Variants in IL7 observed in about 807,000 individuals in gnomAD.
The protein encoded by IL7 is interleukin 7.
IL7 carries 3 observed loss-of-function variants against 21.6 expected under a neutral mutation model. The observed-to-expected ratio is 0.14, with a 90% confidence interval of 0.06 to 0.36. The LOEUF is 0.36. IL7 is among the 10% of genes least tolerant of loss of function. The pLI is 1.00. For synonymous variants in IL7, 62 were observed against 68.1 expected, an observed-to-expected ratio of 0.91 and a Z score of 0.44; for missense variants, 175 against 200.2, an observed-to-expected ratio of 0.87 and a Z score of 0.76.
intron 2 of IL7, among the ~76,000 whole-genome samples, chr8:78,756,899 C>T (rs1417090970): frequency 2.0e-5 from 3 of 150,894 alleles, no homozygotes; most frequent in Non-Finnish European, 4.4e-5. Context: ...TTTTTTTCTG[C>T]TCTTTATTTT....
intron 5 of IL7, among the ~76,000 whole-genome samples, chr8:78,735,393 A>T (rs1461081193): frequency 6.8e-6 from 1 of 146,380 alleles, no homozygotes; most frequent in African/African-American, 2.5e-5. Flanking sequence ...GCTCACTGCA[A>T]CCTCCACCTC....
chr8:78,685,034 G>A (rs1809920185), intron 4 of IL7, among the ~76,000 whole-genome samples: 1 of 151,966 alleles, frequency 6.6e-6, no homozygotes, highest in Non-Finnish European at 1.5e-5. Context: ...GATTAAAAAA[G>A]CTTAATAAAA....
intron 3 of IL7, among the ~76,000 whole-genome samples, chr8:78,703,444 G>A (rs1372293554): frequency 6.6e-6 from 1 of 152,006 alleles, no homozygotes; most frequent in Non-Finnish European, 1.5e-5. Context: ...CTTGGTTTAT[G>A]AATCTGAGTG....
In IL7 at chr8:78,733,340, G is replaced by T. The variant is rs1013129199; in HGVS notation, c.*373C>A. ...AAAATTATTTTGACAGTAAAGCAAT[G>T]TCAATTTTGAATCTTTGAAACCATT... is the stretch of plus-strand genomic sequence containing the variant. On this transcript the variant is annotated 3_prime_UTR_variant, in exon 6 of 6. Transcript: ENST00000263851. 5.8e-6 allele frequency: 1 copy of T among 171,030 alleles called. No homozygotes were observed. Among genetic ancestry groups the T allele is most frequent in the African/African-American group, 2.4e-5 (1 of 41,550 alleles). The allele number at this position is 171,030 out of a possible 1,614,324, so 10.6% of individuals were successfully genotyped here. A position where few individuals can be genotyped will look rare whatever the true frequency, so the allele number is the denominator to read the frequency against.
intron 2 of IL7, among the ~76,000 whole-genome samples, chr8:78,793,242 T>A (rs892401189): frequency 1.3e-5 from 2 of 152,112 alleles, no homozygotes; most frequent in African/African-American, 4.8e-5. Flanking sequence ...AGGCTAGTGA[T>A]GGGGAATAAA....
At chr8:78,757,320 G>A (rs951778957) in intron 2 of IL7, among the ~76,000 whole-genome samples, 8 of 151,946 alleles carry the variant, frequency 5.3e-5, no homozygotes, top group Admixed American at 2.0e-4. Flanking sequence ...GGTTTATCCT[G>A]AAGAACGTTC....
At chr8:78,764,966 T>C (rs1812708714) in intron 2 of IL7, among the ~76,000 whole-genome samples, 2 of 152,068 alleles carry the variant, frequency 1.3e-5, no homozygotes, top group African/African-American at 4.8e-5. Flanking sequence ...CACTATAGCA[T>C]TAGTGAAAAA....
intron 2 of IL7, among the ~76,000 whole-genome samples, chr8:78,745,109 G>A (rs1458299927): frequency 6.6e-6 from 1 of 152,132 alleles, no homozygotes; most frequent in Non-Finnish European, 1.5e-5. Context: ...GGCCATCTTG[G>A]CCACTTCCCC....
At chr8:78,779,279 C>A (rs1379384886) in intron 2 of IL7, among the ~76,000 whole-genome samples, 2 of 152,060 alleles carry the variant, frequency 1.3e-5, no homozygotes, top group East Asian at 3.9e-4. Context: ...CTATGTTGAA[C>A]AGGAGTGGTG....
chr8:78,773,030 T>C (rs983467329), intron 2 of IL7, among the ~76,000 whole-genome samples: 4 of 152,160 alleles, frequency 2.6e-5, no homozygotes, highest in African/African-American at 9.7e-5. Flanking sequence ...TTGACAATAA[T>C]TTACATTGAT....
chr8:78,683,385 A>G (rs890981308), intron 4 of IL7, among the ~76,000 whole-genome samples: 1 of 152,100 alleles, frequency 6.6e-6, no homozygotes, highest in Non-Finnish European at 1.5e-5. Context: ...CCAAACCTCA[A>G]CTCTTGATTT....
chr8:78,696,414 C>T (rs529026879), intron 3 of IL7, among the ~76,000 whole-genome samples: 4 of 152,198 alleles, frequency 2.6e-5, no homozygotes, highest in African/African-American at 9.6e-5. Flanking sequence ...TGATTTTCAC[C>T]TTATGGTTGA....
In IL7 at chr8:78,739,906, T is replaced by C. The variant is rs939007959; in HGVS notation, c.228+96A>G. 11 of 1,086,474 alleles carry C rather than the reference T, an allele frequency of 1.0e-5. No individual in the cohort carries two copies. The Admixed American group carries it at 4.5e-4, about 44-fold the overall frequency. 67.3% of individuals were successfully genotyped at this position (1,086,474 alleles called of 1,614,324 possible). A position where few individuals can be genotyped will look rare whatever the true frequency, so the allele number is the denominator to read the frequency against. The stretch of plus-strand genomic sequence containing the variant: ...GAATTATGTGATCAGGCTGCAAATA[T>C]TAATAGTATTCATATAATTGTCTAA... On this transcript the variant is annotated intron_variant, in intron 3 of 5. Transcript: ENST00000263851.
At chr8:78,788,111 A>G (rs751380436) in intron 2 of IL7, among the ~76,000 whole-genome samples, 3 of 152,062 alleles carry the variant, frequency 2.0e-5, no homozygotes, top group Non-Finnish European at 4.4e-5. Flanking sequence ...CTCTCTTTTC[A>G]CTTCTGATAG....
At chr8:78,757,166 T>G (rs1812375843) in intron 2 of IL7, among the ~76,000 whole-genome samples, 1 of 152,044 alleles carries the variant, frequency 6.6e-6, no homozygotes, top group African/African-American at 2.4e-5. Context: ...TGAAGCCTAT[T>G]GCTTTATTTC....
At chr8:78,765,522 A>G (rs1439802956) in intron 2 of IL7, among the ~76,000 whole-genome samples, 1 of 152,120 alleles carries the variant, frequency 6.6e-6, no homozygotes, top group Admixed American at 6.5e-5. Context: ...TTGGCAAAAA[A>G]CCTGAATAAG....
At chr8:78,724,803 CTCTTA>C (rs1811311697) in intron 3 of IL7, among the ~76,000 whole-genome samples, 1 of 151,974 alleles carries the variant, frequency 6.6e-6, no homozygotes. Context: ...ATGTTTCTCC[CTCTTA>C]TATCAGTAGA....
At chr8:78,722,338 A>G (rs1811256280) in intron 3 of IL7, among the ~76,000 whole-genome samples, 1 of 151,952 alleles carries the variant, frequency 6.6e-6, no homozygotes, top group Admixed American at 6.6e-5. Context: ...CTAGAGGTAT[A>G]ATTTTAACGA....
At chr8:78,752,501 AT>A (rs1299684428) in intron 2 of IL7, among the ~76,000 whole-genome samples, 5 of 151,730 alleles carry the variant, frequency 3.3e-5, no homozygotes, top group African/African-American at 4.8e-5. Flanking sequence ...ATTGATTTGC[AT>A]TTTTTTCCAG....
Sources: gnomAD v4.1 joint callset for allele counts (sites outside exome capture counted in the v4.1 genomes callset) on GRCh38, gnomAD v4.1.1 for gene constraint, MANE v1.5 for transcripts, NCBI Gene and HGNC (gene_info 2026-07-23, HGNC 2026-07-21) for gene names.